The following TACR1 variants were observed in gnomAD, a reference collection of about 807,000 sequenced individuals.
The protein encoded by TACR1 is tachykinin receptor 1.
TACR1 carries 25 observed loss-of-function variants against 35.8 expected under a neutral mutation model. The observed-to-expected ratio is 0.70, with a 90% CI of 0.51 to 0.98. The LOEUF (loss-of-function observed/expected upper bound fraction) is 0.98. Ranked by LOEUF, TACR1 falls within the 50% of genes least tolerant of loss-of-function variation. The probability of loss-of-function intolerance (pLI) is 0.00; values close to 1 mark genes in which losing one functional copy is unlikely to be tolerated. For missense variants in TACR1, 478 were observed against 522.9 expected, an observed-to-expected ratio of 0.91 and a Z score of 0.84; for synonymous variants, 195 against 206.7, an observed-to-expected ratio of 0.94 and a Z score of 0.48.
At chr2:75,085,326 GA>G (rs1275918072) in intron 2 of TACR1, among the ~76,000 whole-genome samples, 1 of 151,946 alleles carries the variant, frequency 6.6e-6, no homozygotes, top group Non-Finnish European at 1.5e-5. Flanking sequence ...ACTCCTTGGG[GA>G]GATAAATTTG....
At chr2:75,105,494 C>T (rs944535542) in intron 2 of TACR1, among the ~76,000 whole-genome samples, 3 of 151,910 alleles carry the variant, frequency 2.0e-5, no homozygotes, top group Non-Finnish European at 2.9e-5. Context: ...GCATCGTACA[C>T]TTGAAAATTG....
At chr2:75,091,652 G>T (rs1316264184) in intron 2 of TACR1, among the ~76,000 whole-genome samples, 1 of 152,178 alleles carries the variant, frequency 6.6e-6, no homozygotes, top group African/African-American at 2.4e-5. Context: ...TCTGTCCTGT[G>T]TCTTCTACTT....
At chr2:75,150,919 A>T (rs755935767) in intron 1 of TACR1, among the ~76,000 whole-genome samples, 20 of 152,216 alleles carry the variant, frequency 1.3e-4, no homozygotes, top group Non-Finnish European at 2.5e-4. Context: ...CTTGTTGGGA[A>T]CTGGAGCAAA....
rs1237927043 is a variant in TACR1 at position 75,091,225 on chromosome 2, AAT to A, written c.584+29347_584+29348del. 9.3e-5 allele frequency among the ~76,000 whole-genome samples: 14 copies of A among 150,524 alleles called. 1 individual carries two copies. Among genetic ancestry groups the A allele is most frequent in the African/African-American group, 3.4e-4 (14 of 40,706 alleles). On this transcript the variant is annotated intron_variant, in intron 2 of 4. Transcript: ENST00000305249. ...GCAAAAAAAAAAAAAAAAAAAAAAA[AAT>A]CTCCCCTGAATTTCCGCTCCTAACT... is the stretch of plus-strand genomic sequence containing the variant.
intron 2 of TACR1, among the ~76,000 whole-genome samples, chr2:75,116,098 C>T (rs550442551): frequency 6.6e-6 from 1 of 151,802 alleles, no homozygotes; most frequent in East Asian, 1.9e-4. Context: ...TTTTATAAGA[C>T]ACCACATTTT....
intron 1 of TACR1, among the ~76,000 whole-genome samples, 182 bp downstream of exon 1, chr2:75,198,363 GA>G (rs1054337088): frequency 1.3e-4 from 20 of 152,018 alleles, no homozygotes; most frequent in Non-Finnish European, 2.8e-4. Context: ...TAAAAAAGAG[GA>G]AAAAAAGTTG....
chr2:75,176,916 G>A (rs539667716), intron 1 of TACR1, among the ~76,000 whole-genome samples: 1 of 152,178 alleles, frequency 6.6e-6, no homozygotes, highest in South Asian at 2.1e-4. Context: ...GTAGTCTCCT[G>A]CTCTCCCTGA....
intron 1 of TACR1, among the ~76,000 whole-genome samples, chr2:75,191,879 G>A (rs958995925): frequency 1.3e-5 from 2 of 152,094 alleles, no homozygotes; most frequent in South Asian, 2.1e-4. Flanking sequence ...ACTTGGATAG[G>A]TTCTGGGAAC....
chr2:75,193,187 G>A (rs931195022), intron 1 of TACR1, among the ~76,000 whole-genome samples: 1 of 151,996 alleles, frequency 6.6e-6, no homozygotes, highest in Non-Finnish European at 1.5e-5. Context: ...CCTCTGCATG[G>A]CATTGATTGC....
intron 1 of TACR1, among the ~76,000 whole-genome samples, chr2:75,166,899 C>T (rs955308175): frequency 6.6e-6 from 1 of 152,106 alleles, no homozygotes; most frequent in Non-Finnish European, 1.5e-5. Flanking sequence ...TTATAGATGC[C>T]TTAGTGTTCT....
intron 1 of TACR1, among the ~76,000 whole-genome samples, chr2:75,178,280 G>A (rs1193848038): frequency 6.6e-6 from 1 of 151,876 alleles, no homozygotes; most frequent in Non-Finnish European, 1.5e-5. Flanking sequence ...TGCCTCCTGG[G>A]TTCAAGCGAT....
intron 2 of TACR1, among the ~76,000 whole-genome samples, chr2:75,089,415 C>G (rs547159060): frequency 1.3e-5 from 2 of 152,160 alleles, no homozygotes; most frequent in Non-Finnish European, 2.9e-5. Context: ...TCATTGGACT[C>G]CTCCTGGGTT....
At chr2:75,098,003 G>C (rs1176851622) in intron 2 of TACR1, among the ~76,000 whole-genome samples, 1 of 152,230 alleles carries the variant, frequency 6.6e-6, no homozygotes, top group Non-Finnish European at 1.5e-5. Context: ...GTTGGGAAGA[G>C]ATGTGCACAG....
At chr2:75,119,516 A>G (rs1673923210) in intron 2 of TACR1, among the ~76,000 whole-genome samples, 1 of 152,250 alleles carries the variant, frequency 6.6e-6, no homozygotes, top group Admixed American at 6.5e-5. Context: ...TGAGTCCAGA[A>G]AACTAACTGT....
At chr2:75,055,959 A>G (rs189470893) in intron 2 of TACR1, among the ~76,000 whole-genome samples, 1 of 152,354 alleles carries the variant, frequency 6.6e-6, no homozygotes, top group East Asian at 1.9e-4. Flanking sequence ...CCGCAAATGT[A>G]AAAGAGAATC....
intron 1 of TACR1, among the ~76,000 whole-genome samples, chr2:75,121,642 T>C (rs1673972897): frequency 6.6e-6 from 1 of 152,238 alleles, no homozygotes; most frequent in Non-Finnish European, 1.5e-5. Flanking sequence ...ATATCAGTGA[T>C]AAGCACATCA....
chr2:75,106,768 GA>G (rs1673652785), intron 2 of TACR1, among the ~76,000 whole-genome samples: 1 of 151,524 alleles, frequency 6.6e-6, no homozygotes, highest in Admixed American at 6.6e-5. Context: ...TTTATATAAC[GA>G]AATAAAACAT....
chr2:75,103,576 TAAATA>T (rs1472378856), intron 2 of TACR1, among the ~76,000 whole-genome samples: 2 of 151,760 alleles, frequency 1.3e-5, no homozygotes, highest in African/African-American at 4.8e-5. Context: ...AATAAATAAA[TAAATA>T]AATAAATATG....
chr2:75,066,547 G>A (rs774650854), intron 2 of TACR1, among the ~76,000 whole-genome samples: 2 of 152,204 alleles, frequency 1.3e-5, no homozygotes, highest in Non-Finnish European at 2.9e-5. Context: ...ATCTAGACGA[G>A]TGACTGGAAT....
Sources: allele counts gnomAD v4.1 joint callset (sites outside exome capture counted in the v4.1 genomes callset), GRCh38; gene constraint gnomAD v4.1.1; transcripts MANE v1.5; gene names NCBI Gene and HGNC (gene_info 2026-07-23, HGNC 2026-07-21).